The following ZC3H12B variants were observed in gnomAD, a reference collection of about 807,000 sequenced individuals.
ZC3H12B encodes zinc finger CCCH-type containing 12B.
ZC3H12B carries 7 observed loss-of-function variants against 43.9 expected under a neutral mutation model. The observed-to-expected ratio is 0.16, with a 90% CI of 0.09 to 0.30. The LOEUF is 0.30. Ranked by LOEUF, ZC3H12B falls within the 10% of genes least tolerant of loss-of-function variation. ZC3H12B has a pLI of 1.00. For missense variants in ZC3H12B, 475 were observed against 670.2 expected, an observed-to-expected ratio of 0.71 and a Z score of 3.22; for synonymous variants, 222 against 241.7, an observed-to-expected ratio of 0.92 and a Z score of 0.76.
chrX:65,201,541 C>G, the ZC3H12B span, among the ~76,000 whole-genome samples: 1 of 110,210 alleles, frequency 9.1e-6, no homozygotes, highest in South Asian at 3.8e-4. Context: ...GTGCCTCTAT[C>G]TTTTTCAGTT....
At chrX:65,348,262 A>T in the ZC3H12B span, among the ~76,000 whole-genome samples, 4 of 112,001 alleles carry the variant, frequency 3.6e-5, no homozygotes, top group African/African-American at 1.3e-4. Flanking sequence ...ATTTCTAGGC[A>T]TAAAAAAATA....
chrX:65,131,498 G>T, the ZC3H12B span, among the ~76,000 whole-genome samples: 9,127 of 110,995 alleles, frequency 0.082, 1,011 homozygotes, highest in African/African-American at 0.29. Flanking sequence ...AAAAGGGTTG[G>T]GATGAGTTAG....
At chrX:65,200,968 C>T in the ZC3H12B span, among the ~76,000 whole-genome samples, 1 of 111,081 alleles carries the variant, frequency 9.0e-6, no homozygotes, top group Non-Finnish European at 1.9e-5. Flanking sequence ...ATTTTTGCAT[C>T]GATGTTCATC....
At chrX:65,296,990 G>C in the ZC3H12B span, among the ~76,000 whole-genome samples, 1 of 111,307 alleles carries the variant, frequency 9.0e-6, no homozygotes, top group African/African-American at 3.3e-5. Context: ...ATCATATAAG[G>C]GACATAGTTA....
the ZC3H12B span, among the ~76,000 whole-genome samples, chrX:65,142,438 T>C: frequency 8.9e-6 from 1 of 112,476 alleles, no homozygotes; most frequent in East Asian, 2.8e-4. Context: ...TAAAGAATTT[T>C]TCCCACTCTA....
chrX:65,248,991 A>G, the ZC3H12B span, among the ~76,000 whole-genome samples: 1 of 111,305 alleles, frequency 9.0e-6, no homozygotes, highest in Non-Finnish European at 1.9e-5. Context: ...TTTTTCTCAG[A>G]TGGATAGATC....
chrX:65,126,240 T>C, the ZC3H12B span, among the ~76,000 whole-genome samples: 1 of 111,044 alleles, frequency 9.0e-6, no homozygotes, highest in Non-Finnish European at 1.9e-5. Context: ...TTCCTTCATT[T>C]ATGAGGTTTA....
At chrX:65,127,851 C>A in the ZC3H12B span, among the ~76,000 whole-genome samples, 1 of 111,211 alleles carries the variant, frequency 9.0e-6, no homozygotes, top group Admixed American at 9.5e-5. Context: ...AGTTTACATT[C>A]CCAAAGGGCA....
At chrX:65,318,183 A>AT in the ZC3H12B span, among the ~76,000 whole-genome samples, 15,383 of 96,853 alleles carry the variant, frequency 0.16, 2,784 homozygotes, top group African/African-American at 0.5. Context: ...GCCAACATGT[A>AT]TTTTTTTTTT....
At chrX:65,320,655 G>A in the ZC3H12B span, among the ~76,000 whole-genome samples, 1 of 112,070 alleles carries the variant, frequency 8.9e-6, no homozygotes, top group Non-Finnish European at 1.9e-5. Flanking sequence ...CTATACTACA[G>A]CATTACAATA....
At chrX:65,461,634 T>C (rs2067749214) in intron 3 of ZC3H12B, among the ~76,000 whole-genome samples, 2 of 111,385 alleles carry the variant, frequency 1.8e-5, no homozygotes, top group African/African-American at 3.3e-5. Flanking sequence ...TTCTCACTCA[T>C]ATGTGGGAAT....
At chrX:65,390,099 C>A (rs1422619219) in intron 2 of ZC3H12B, among the ~76,000 whole-genome samples, 1 of 111,691 alleles carries the variant, frequency 9.0e-6, no homozygotes, top group Non-Finnish European at 1.9e-5. Context: ...AGTTCATGTC[C>A]TTTGTAGGGA....
the ZC3H12B span, among the ~76,000 whole-genome samples, chrX:65,207,042 C>G: frequency 9.2e-6 from 1 of 109,206 alleles, no homozygotes; most frequent in Non-Finnish European, 1.9e-5. Context: ...AAAGGGAACA[C>G]TTTTACACTG....
intron 3 of ZC3H12B, among the ~76,000 whole-genome samples, chrX:65,472,724 G>A (rs1167816035): frequency 9.8e-6 from 1 of 102,281 alleles, no homozygotes; most frequent in East Asian, 3.1e-4. Flanking sequence ...AAAATCAATT[G>A]ACTGTAATGA....
chrX:65,171,942 C>T, the ZC3H12B span, among the ~76,000 whole-genome samples: 4 of 112,055 alleles, frequency 3.6e-5, no homozygotes, highest in Non-Finnish European at 5.6e-5. Context: ...CCATCTGTCA[C>T]GGCTTCTCTT....
At chrX:65,177,893 T>C in the ZC3H12B span, among the ~76,000 whole-genome samples, 3 of 111,697 alleles carry the variant, frequency 2.7e-5, no homozygotes, top group Non-Finnish European at 5.6e-5. Flanking sequence ...CAAACAACCA[T>C]TGACTTTCTT....
exon 5 of ZC3H12B, chrX:65,503,439 C>A (rs1054825391): frequency 2.5e-5 from 8 of 326,003 alleles, no homozygotes; most frequent in African/African-American, 1.9e-4. Context: ...ACACTGCTAG[C>A]AAATGACTAA....
At chrX:65,282,436 G>T in the ZC3H12B span, among the ~76,000 whole-genome samples, 3 of 111,642 alleles carry the variant, frequency 2.7e-5, no homozygotes, top group African/African-American at 9.8e-5. Flanking sequence ...GAGCAATAAG[G>T]CAACGTAGAA....
chrX:65,349,739 A>C, the ZC3H12B span, among the ~76,000 whole-genome samples: 1 of 112,277 alleles, frequency 8.9e-6, no homozygotes, highest in Non-Finnish European at 1.9e-5. Flanking sequence ...CTATGCAAAT[A>C]AACTAGAAAA....
Sources: allele counts gnomAD v4.1 joint callset (sites outside exome capture counted in the v4.1 genomes callset), GRCh38; gene constraint gnomAD v4.1.1; transcripts MANE v1.5; gene names NCBI Gene and HGNC (gene_info 2026-07-23, HGNC 2026-07-21).